SLC38A8: variants seen among roughly 807,000 people sequenced by gnomAD.
SLC38A8 encodes amino acid transporter SLC38A8.
SLC38A8 carries 65 observed loss-of-function variants against 46.0 expected under a neutral mutation model. That is an observed-to-expected ratio of 1.41 (90% confidence interval 1.16 to 1.74). The LOEUF is 1.74. SLC38A8 is among the 40% of genes most tolerant of loss of function. SLC38A8 has a pLI of 0.00. For synonymous variants in SLC38A8, 447 were observed against 243.7 expected (o/e 1.83, Z -7.77); for missense variants, 998 against 567.9 (o/e 1.76, Z -7.70).
intron 9 of SLC38A8, among the ~76,000 whole-genome samples, chr16:84,014,731 G>T (rs1394551355): frequency 6.6e-6 from 1 of 152,168 alleles, no homozygotes; most frequent in Non-Finnish European, 1.5e-5. Flanking sequence ...GCTGGGGCAG[G>T]TACGGTTAGA....
chr16:84,024,564 T>C (rs2151119397), intron 6 of SLC38A8, among the ~76,000 whole-genome samples: 1 of 151,958 alleles, frequency 6.6e-6, no homozygotes, highest in South Asian at 2.1e-4. Flanking sequence ...GTGGATCACC[T>C]GAGGTCTGGA....
chr16:84,011,497 G>C (rs1216232216), intron 10 of SLC38A8, among the ~76,000 whole-genome samples: 1 of 152,156 alleles, frequency 6.6e-6, no homozygotes, highest in Non-Finnish European at 1.5e-5. Context: ...AGAGGGCCGG[G>C]GGTATAGGGG....
intron 2 of SLC38A8, 57 bp downstream of exon 2, chr16:84,041,912 C>G: frequency 6.7e-7 from 1 of 1,486,710 alleles, no homozygotes; most frequent in Non-Finnish European, 9.0e-7. Flanking sequence ...GAACCCCACC[C>G]AGAAAAGCCA....
chr16:84,024,506 A>T (rs534916554), intron 6 of SLC38A8, among the ~76,000 whole-genome samples: 13 of 151,712 alleles, frequency 8.6e-5, no homozygotes, highest in South Asian at 4.2e-4. Context: ...CGCAGGAGGG[A>T]GCGGTGGCTC....
intron 3 of SLC38A8, among the ~76,000 whole-genome samples, chr16:84,034,226 G>C (rs1348560202): frequency 2.0e-5 from 3 of 152,348 alleles, no homozygotes; most frequent in Non-Finnish European, 2.9e-5. Context: ...GAAGCTGCCT[G>C]TCCTCTTAAA....
At chr16:84,029,693 G>T in intron 5 of SLC38A8, 142 bp from the exon 6 acceptor site, 2 of 819,396 alleles carry the variant, frequency 2.4e-6, no homozygotes, top group Admixed American at 2.7e-5. Context: ...CTGTGTCCGT[G>T]ACCGGGCTTT....
At chr16:84,010,291 G>C (rs989407218) in intron 10 of SLC38A8, among the ~76,000 whole-genome samples, 1 of 151,920 alleles carries the variant, frequency 6.6e-6, no homozygotes, top group African/African-American at 2.4e-5. Context: ...GGCTGGTCTT[G>C]AACTCCTGAC....
chr16:84,013,116 C>T (rs949986979), intron 9 of SLC38A8, 64 bp from the exon 10 acceptor site: 47 of 1,597,858 alleles, frequency 2.9e-5, no homozygotes, highest in African/African-American at 1.9e-4. Context: ...AAAAAGGTCC[C>T]GGGAGAGGTC....
chr16:84,031,880 G>A lies in SLC38A8; in HGVS notation c.619C>T (p.His207Tyr), dbSNP rs201684486. 33 of 1,614,074 alleles carry A rather than the reference G, an allele frequency of 2.0e-5. No individual in the cohort carries two copies. In the Admixed American group the frequency reaches 3.2e-4, roughly 15 times the overall value. Reference protein sequence around the residue: ...LWPQGLVRESHPSLSPASWTS... With the variant: ...LWPQGLVRESYPSLSPASWTS... Reference sequence around the variant, plus strand: ...CCTCAGACTTACCTCAGTGAAGGATGGGACTCACGCACGAGGCCCTGGGGC... The same window carrying A: ...CCTCAGACTTACCTCAGTGAAGGATAGGACTCACGCACGAGGCCCTGGGGC... The change falls in exon 5 of 11, where the codon CAT becomes TAT. Residue 207 changes from histidine (H) to tyrosine (Y), a missense_variant. Coordinates refer to ENST00000299709, the MANE Select transcript of SLC38A8 (RefSeq NM_001080442.3).
intron 6 of SLC38A8, 98 bp from the exon 7 acceptor site, chr16:84,022,987 G>A (rs928591514): frequency 3.1e-5 from 25 of 804,654 alleles, no homozygotes; most frequent in African/African-American, 3.5e-5. Context: ...TGTGGGATAT[G>A]ATGAGGTTTC....
At chr16:84,037,061 C>T (rs888090549) in intron 2 of SLC38A8, among the ~76,000 whole-genome samples, 161 bp from the exon 3 acceptor site, 1 of 152,128 alleles carries the variant, frequency 6.6e-6, no homozygotes, top group African/African-American at 2.4e-5. Context: ...TCACTGCACA[C>T]ACCCCCACCC....
At chr16:84,032,474 C>G (rs1040335817) in intron 4 of SLC38A8, among the ~76,000 whole-genome samples, 2 of 152,184 alleles carry the variant, frequency 1.3e-5, no homozygotes, top group African/African-American at 2.4e-5. Context: ...GGTGTGACGC[C>G]CAGCCCAAAT....
At chr16:84,013,142 G>A (rs778256736) in intron 9 of SLC38A8, 90 bp from the exon 10 acceptor site, 59 of 1,459,802 alleles carry the variant, frequency 4.0e-5, no homozygotes, top group Non-Finnish European at 5.3e-5. Flanking sequence ...GGACCCAGGA[G>A]GCCAGCAAGG....
intron 5 of SLC38A8, 139 bp from the exon 6 acceptor site, chr16:84,029,690 C>A (rs901641408): frequency 2.4e-6 from 2 of 824,004 alleles, no homozygotes; most frequent in South Asian, 1.7e-5. Context: ...TGACTGTGTC[C>A]GTGACCGGGC....
chr16:84,030,739 A>C (rs2085227950), intron 5 of SLC38A8, among the ~76,000 whole-genome samples: 1 of 152,192 alleles, frequency 6.6e-6, no homozygotes, highest in African/African-American at 2.4e-5. Flanking sequence ...TCACAGGGCC[A>C]GGTGCAGGAG....
chr16:84,029,592 A>C, intron 5 of SLC38A8, 41 bp from the exon 6 acceptor site: 1 of 1,598,750 alleles, frequency 6.3e-7, no homozygotes, highest in Non-Finnish European at 8.6e-7. Flanking sequence ...AAGAAGGGTC[A>C]CACCCGGAAC....
At chr16:84,010,485 A>C (rs1366346673) in intron 10 of SLC38A8, among the ~76,000 whole-genome samples, 2 of 152,162 alleles carry the variant, frequency 1.3e-5, no homozygotes, top group Non-Finnish European at 2.9e-5. Context: ...ACAAGCCTAT[A>C]ATCCCAGCAC....
intron 9 of SLC38A8, among the ~76,000 whole-genome samples, chr16:84,013,422 G>GTTTTTTTTTTTTTTTTTTTTTTTTTT (rs369454720): frequency 9.2e-6 from 1 of 108,700 alleles, no homozygotes; most frequent in African/African-American, 4.1e-5. Flanking sequence ...TGTTGTGTGT[G>GTTTTTTTTTTTTTTTTTTTTTTTTTT]TGTTTTTTTT....
At chr16:84,023,763 G>A (rs372554716) in intron 6 of SLC38A8, among the ~76,000 whole-genome samples, 1 of 152,188 alleles carries the variant, frequency 6.6e-6, no homozygotes. Flanking sequence ...GCATGGTAAT[G>A]AGCACCTGTA....
Sources: allele counts gnomAD v4.1 joint callset (sites outside exome capture counted in the v4.1 genomes callset), GRCh38; gene constraint gnomAD v4.1.1; transcripts MANE v1.5; gene names NCBI Gene and HGNC (gene_info 2026-07-23, HGNC 2026-07-21).